The following PRKN variants were observed in gnomAD, a reference collection of about 807,000 sequenced individuals.
The protein encoded by PRKN is E3 ubiquitin-protein ligase parkin.
Under a neutral mutation model 59.5 loss-of-function variants are expected in PRKN, and 56 were observed. The ratio of observed to expected loss-of-function variants is 0.94; its 90% CI spans 0.76 to 1.18. The LOEUF (loss-of-function observed/expected upper bound fraction) is 1.18, where lower values mean the gene tolerates loss of function less well. Among genes scored for constraint, PRKN ranks in the 50% most tolerant of loss-of-function variants. The pLI, the probability that PRKN is intolerant of heterozygous loss-of-function variation, is 0.00. For missense variants in PRKN, 657 were observed against 596.4 expected, an observed-to-expected ratio of 1.10 and a Z score of -1.06; for synonymous variants, 250 against 222.1, an observed-to-expected ratio of 1.13 and a Z score of -1.12.
At position 161,544,506 on chromosome 6, in the gene PRKN, A is replaced by T. The variant is rs1554274363; in HGVS notation, c.1083+4348T>A. ...TAAGATTCACTCAACCATTTATTTT[A>T]TTCATTCATTCATTCATTCATTCAT... On this transcript the variant is annotated intron_variant, in intron 9 of 11. Transcript: ENST00000366898. The surrounding 1 kb of genome is among the most constrained non-coding windows in gnomAD (Gnocchi z 5.5). Among the ~76,000 whole-genome samples the T allele has an allele frequency of 9.5e-5, 1 of 10,496 alleles. No homozygotes were observed. Among genetic ancestry groups the T allele is most frequent in the Admixed American group, 4.2e-4 (1 of 2,362 alleles). 6.9% of individuals were successfully genotyped at this position (10,496 alleles called of 152,430 possible).
chr6:162,584,247 A>G (rs1780914321), intron 1 of PRKN, among the ~76,000 whole-genome samples: 1 of 78,224 alleles, frequency 1.3e-5, no homozygotes, highest in Non-Finnish European at 3.1e-5. Flanking sequence ...AACAAAAAAC[A>G]AAAAAAAAAA....
intron 7 of PRKN, among the ~76,000 whole-genome samples, chr6:161,743,880 C>A (rs922563683): frequency 2.6e-5 from 4 of 152,120 alleles, no homozygotes; most frequent in Non-Finnish European, 4.4e-5. Context: ...CCCTATGGTC[C>A]CTGAATATAA....
intron 3 of PRKN, among the ~76,000 whole-genome samples, chr6:162,205,086 C>T (rs1172812736): frequency 2.0e-5 from 3 of 151,992 alleles, no homozygotes; most frequent in Non-Finnish European, 4.4e-5. Flanking sequence ...TGGTCTTGAT[C>T]TCTTGACCTC....
At chr6:162,174,929 G>T (rs1783462025) in intron 4 of PRKN, among the ~76,000 whole-genome samples, 1 of 152,174 alleles carries the variant, frequency 6.6e-6, no homozygotes, top group Non-Finnish European at 1.5e-5. Context: ...ACCATATTGT[G>T]CTACAGCTGG....
intron 1 of PRKN, among the ~76,000 whole-genome samples, chr6:162,667,941 G>A (rs913328814): frequency 3.9e-5 from 6 of 152,062 alleles, no homozygotes; most frequent in African/African-American, 1.4e-4. Flanking sequence ...TGAATGTTAG[G>A]ATTTACATAG....
chr6:161,675,889 G>A (rs894090831), intron 7 of PRKN, among the ~76,000 whole-genome samples: 1 of 152,216 alleles, frequency 6.6e-6, no homozygotes, highest in Non-Finnish European at 1.5e-5. Flanking sequence ...AGCCATAAAA[G>A]TAAATTTGAA....
At chr6:162,568,468 G>T (rs6929604) in intron 1 of PRKN, 7 of 637,412 alleles carry the variant, frequency 1.1e-5, no homozygotes, top group African/African-American at 5.5e-5. Flanking sequence ...GGAGGCTCTG[G>T]TGGGGCCGGC....
intron 6 of PRKN, among the ~76,000 whole-genome samples, chr6:161,885,430 C>T (rs537101464): frequency 4.6e-5 from 7 of 152,088 alleles, no homozygotes; most frequent in Admixed American, 2.6e-4. Context: ...TTTGGGAGGC[C>T]GAGGCGGGCA....
rs187434228 is a variant in PRKN, at chr6:162,283,826, G to C, written c.172-21061C>G. On this transcript the variant is annotated intron_variant, in intron 2 of 11. Transcript: ENST00000366898. ...AGGAATAAATGTTACTGTATTAAAA[G>C]TATTAGATCCTGACCCCTGCTTGAT... Among the ~76,000 whole-genome samples the C allele has an allele frequency of 1.1e-4, 16 of 152,244 alleles. No homozygotes were observed. In the East Asian group the frequency reaches 3.1e-3, roughly 29 times the overall value.
intron 11 of PRKN, among the ~76,000 whole-genome samples, chr6:161,350,938 A>T (rs1273514108): frequency 2.4e-5 from 2 of 82,220 alleles, no homozygotes; most frequent in African/African-American, 1.1e-4. Flanking sequence ...AATATATATA[A>T]ATATATTTTA....
At chr6:161,653,847 T>C (rs1191622936) in intron 7 of PRKN, among the ~76,000 whole-genome samples, 1 of 152,208 alleles carries the variant, frequency 6.6e-6, no homozygotes, top group African/African-American at 2.4e-5. Flanking sequence ...TGAAGACTCC[T>C]AAGAGGAAAA....
intron 1 of PRKN, among the ~76,000 whole-genome samples, chr6:162,638,601 G>A (rs944618813): frequency 4.6e-5 from 7 of 152,160 alleles, no homozygotes; most frequent in East Asian, 1.9e-4. Context: ...TCTAAAACAC[G>A]CATTCCAGTT....
At chr6:162,685,647 T>C (rs1779941145) in intron 1 of PRKN, among the ~76,000 whole-genome samples, 1 of 152,186 alleles carries the variant, frequency 6.6e-6, no homozygotes, top group South Asian at 2.1e-4. Context: ...GGAAATCCAC[T>C]TACTAAAAGT....
chr6:162,610,917 T>C (rs940532275), intron 1 of PRKN, among the ~76,000 whole-genome samples: 1 of 152,178 alleles, frequency 6.6e-6, no homozygotes, highest in South Asian at 2.1e-4. Flanking sequence ...TAGAATAAAG[T>C]TGTAACAATA....
At chr6:162,217,014 A>G (rs899882624) in intron 3 of PRKN, among the ~76,000 whole-genome samples, 1 of 152,202 alleles carries the variant, frequency 6.6e-6, no homozygotes, top group Non-Finnish European at 1.5e-5. Flanking sequence ...CTTAATTGAT[A>G]TTGCAAACAC....
chr6:161,591,693 T>C (rs1002683382), intron 7 of PRKN, among the ~76,000 whole-genome samples: 1 of 152,216 alleles, frequency 6.6e-6, no homozygotes. Flanking sequence ...ACTAATTGAA[T>C]AGTGTTATGA....
intron 2 of PRKN, among the ~76,000 whole-genome samples, chr6:162,436,042 G>A (rs559274475): frequency 2.6e-5 from 4 of 151,572 alleles, no homozygotes; most frequent in African/African-American, 9.7e-5. Flanking sequence ...TGGGTGTGGT[G>A]GTACATGCCT....
At chr6:161,823,463 T>A (rs781085610) in intron 6 of PRKN, among the ~76,000 whole-genome samples, 12 of 152,062 alleles carry the variant, frequency 7.9e-5, no homozygotes, top group Non-Finnish European at 1.8e-4. Flanking sequence ...AACAAACGAA[T>A]CTTTAAAATC....
chr6:161,495,975 A>C (rs1777734184), intron 9 of PRKN, among the ~76,000 whole-genome samples: 1 of 152,024 alleles, frequency 6.6e-6, no homozygotes, highest in East Asian at 1.9e-4. Context: ...GGGTTATTTA[A>C]TGTTGGTGTT....
Sources: gnomAD v4.1 joint callset for allele counts (sites outside exome capture counted in the v4.1 genomes callset) on GRCh38, gnomAD v4.1.1 for gene constraint, Gnocchi (gnomAD v3.1) non-coding constraint, MANE v1.5 for transcripts, NCBI Gene and HGNC (gene_info 2026-07-23, HGNC 2026-07-21) for gene names.